The following PTPRR variants were observed in gnomAD, a reference collection of about 807,000 sequenced individuals.
PTPRR encodes protein tyrosine phosphatase receptor type R.
PTPRR carries 38 observed loss-of-function variants against 77.2 expected under a neutral mutation model. The ratio of observed to expected loss-of-function variants is 0.49; its 90% CI spans 0.38 to 0.65. The LOEUF (loss-of-function observed/expected upper bound fraction) is 0.65. PTPRR is among the 30% of genes least tolerant of loss of function. The pLI is 0.00. For missense variants in PTPRR, 744 were observed against 799.2 expected (o/e 0.93, Z 0.83); for synonymous variants, 299 against 283.1 (o/e 1.06, Z -0.57).
chr12:70,898,985 C>A (rs1893484048), intron 1 of PTPRR, among the ~76,000 whole-genome samples: 1 of 151,312 alleles, frequency 6.6e-6, no homozygotes, highest in South Asian at 2.1e-4. Flanking sequence ...ATAAAACGAT[C>A]AAATCCTTAA....
chr12:70,800,089 T>C (rs1891586584), intron 2 of PTPRR, among the ~76,000 whole-genome samples: 1 of 152,160 alleles, frequency 6.6e-6, no homozygotes, highest in Non-Finnish European at 1.5e-5. Flanking sequence ...CTTGAGACTG[T>C]AATGAATGTG....
chr12:70,885,588 G>A (rs984017710), intron 2 of PTPRR, among the ~76,000 whole-genome samples: 3 of 147,950 alleles, frequency 2.0e-5, no homozygotes, highest in Non-Finnish European at 4.4e-5. Flanking sequence ...AGGCTGGAGT[G>A]CAGTGGCACA....
intron 2 of PTPRR, among the ~76,000 whole-genome samples, chr12:70,866,160 C>A (rs1216649632): frequency 6.6e-6 from 1 of 151,972 alleles, no homozygotes; most frequent in South Asian, 2.1e-4. Context: ...CAAAAGCTAG[C>A]AGAAGGCAAG....
At chr12:70,772,516 T>C (rs1016351260) in intron 2 of PTPRR, among the ~76,000 whole-genome samples, 1 of 152,182 alleles carries the variant, frequency 6.6e-6, no homozygotes, top group African/African-American at 2.4e-5. Flanking sequence ...CTGGATTAAA[T>C]GCTCAATGCT....
chr12:70,859,102 A>T (rs1892704557), intron 2 of PTPRR, among the ~76,000 whole-genome samples: 1 of 152,062 alleles, frequency 6.6e-6, no homozygotes, highest in African/African-American at 2.4e-5. Flanking sequence ...GCCAGTTCTG[A>T]CATCTAAATA....
chr12:70,690,657 T>C (rs1888024327), intron 8 of PTPRR, among the ~76,000 whole-genome samples: 1 of 152,156 alleles, frequency 6.6e-6, no homozygotes. Flanking sequence ...TTTTCACTAT[T>C]TGGAAGAAGC....
At chr12:70,716,395 G>C (rs1191826008) in intron 6 of PTPRR, among the ~76,000 whole-genome samples, 1 of 150,370 alleles carries the variant, frequency 6.7e-6, no homozygotes, top group Non-Finnish European at 1.5e-5. Flanking sequence ...TTATATACAT[G>C]TACTATTATA....
intron 1 of PTPRR, among the ~76,000 whole-genome samples, chr12:70,910,441 C>T (rs1287989129): frequency 6.6e-6 from 1 of 152,034 alleles, no homozygotes; most frequent in Non-Finnish European, 1.5e-5. Context: ...TACAAAAGCA[C>T]CTTGGGTAGA....
At chr12:70,702,005 A>T (rs931334774) in intron 6 of PTPRR, among the ~76,000 whole-genome samples, 2 of 152,090 alleles carry the variant, frequency 1.3e-5, no homozygotes, top group African/African-American at 4.8e-5. Context: ...AGATAAAAAT[A>T]AAAAAAGATG....
intron 2 of PTPRR, among the ~76,000 whole-genome samples, chr12:70,869,027 A>C (rs1892912978): frequency 1.0e-5 from 1 of 99,850 alleles, no homozygotes; most frequent in Admixed American, 1.5e-4. Flanking sequence ...CACTCTGGGG[A>C]CTGTTGTGGG....
chr12:70,678,086 G>C (rs1887515010), intron 10 of PTPRR, among the ~76,000 whole-genome samples: 1 of 152,150 alleles, frequency 6.6e-6, no homozygotes, highest in South Asian at 2.1e-4. Context: ...TGTCACCCAG[G>C]CTGGAGTACA....
intron 10 of PTPRR, chr12:70,664,647 T>G (rs1886916196): frequency 6.6e-6 from 1 of 152,150 alleles, no homozygotes; most frequent in African/African-American, 2.4e-5. Context: ...CTTCTGCACC[T>G]ACTTGATAAA....
intron 10 of PTPRR, among the ~76,000 whole-genome samples, chr12:70,682,190 C>T (rs1223553926): frequency 6.6e-6 from 1 of 150,744 alleles, no homozygotes; most frequent in Non-Finnish European, 1.5e-5. Flanking sequence ...ACTACAGGCG[C>T]CCGCCACCAC....
chr12:70,649,672 T>A (rs1033276415), intron 13 of PTPRR, among the ~76,000 whole-genome samples: 35 of 152,280 alleles, frequency 2.3e-4, no homozygotes, highest in African/African-American at 8.4e-4. Flanking sequence ...CCTCCTGGGT[T>A]CCAGCAATTC....
intron 6 of PTPRR, among the ~76,000 whole-genome samples, chr12:70,743,100 G>A (rs533080799): frequency 1.3e-5 from 2 of 152,272 alleles, no homozygotes; most frequent in East Asian, 3.9e-4. Flanking sequence ...CCATGGTTGG[G>A]TGATTCAGGA....
chr12:70,798,793 C>T (rs959910194), intron 2 of PTPRR, among the ~76,000 whole-genome samples: 1 of 122,440 alleles, frequency 8.2e-6, no homozygotes, highest in African/African-American at 3.1e-5. Flanking sequence ...TGGTATGTAT[C>T]TTACATAGAC....
chr12:70,886,253 G>A lies in PTPRR; in HGVS notation c.357+6426C>T, dbSNP rs1893237763. On this transcript the variant is annotated intron_variant, in intron 2 of 13. Coordinates refer to ENST00000283228, the MANE Select transcript of PTPRR (RefSeq NM_002849.4). ...TTTCTACTTCAGGACTATTTTGCAA[G>A]GATACAGTAATAGCTGGGGAAATCT... 2.0e-5 allele frequency among the ~76,000 whole-genome samples: 3 copies of A among 152,190 alleles called. No homozygotes were observed. The South Asian group carries it at 6.2e-4, about 31-fold the overall frequency.
At chr12:70,764,457 C>A (rs1890765952) in intron 3 of PTPRR, among the ~76,000 whole-genome samples, 1 of 152,162 alleles carries the variant, frequency 6.6e-6, no homozygotes, top group African/African-American at 2.4e-5. Flanking sequence ...TCTTTTGCAA[C>A]TACTGAACTC....
chr12:70,653,397 G>C (rs1176129924), intron 13 of PTPRR, among the ~76,000 whole-genome samples: 1 of 152,164 alleles, frequency 6.6e-6, no homozygotes, highest in African/African-American at 2.4e-5. Context: ...AATTGGAACT[G>C]ATCTTTTTTA....
Sources: allele counts gnomAD v4.1 joint callset (sites outside exome capture counted in the v4.1 genomes callset), GRCh38; gene constraint gnomAD v4.1.1; transcripts MANE v1.5; gene names NCBI Gene and HGNC (gene_info 2026-07-23, HGNC 2026-07-21).